GAS7: variants seen among roughly 807,000 people sequenced by gnomAD.
GAS7 encodes the protein growth arrest-specific protein 7.
GAS7 carries 28 observed loss-of-function variants against 71.1 expected under a neutral mutation model. The ratio of observed to expected loss-of-function variants is 0.39; its 90% CI spans 0.29 to 0.54. The LOEUF (loss-of-function observed/expected upper bound fraction) is 0.54, where lower values mean the gene tolerates loss of function less well. Ranked by LOEUF, GAS7 falls within the 20% of genes least tolerant of loss-of-function variation. The probability of loss-of-function intolerance (pLI) is 0.62; values close to 1 mark genes in which losing one functional copy is unlikely to be tolerated. For synonymous variants in GAS7, 258 were observed against 245.8 expected (o/e 1.05, Z -0.46); for missense variants, 436 against 627.8 (o/e 0.69, Z 3.27).
At chr17:10,136,602 T>G (rs1305376534) in intron 1 of GAS7, among the ~76,000 whole-genome samples, 1 of 152,194 alleles carries the variant, frequency 6.6e-6, no homozygotes, top group Non-Finnish European at 1.5e-5. Flanking sequence ...ATCTCCACTG[T>G]TATCATCCCA....
chr17:9,949,298 T>C (rs1218780597), intron 5 of GAS7, among the ~76,000 whole-genome samples: 2 of 152,218 alleles, frequency 1.3e-5, no homozygotes, highest in African/African-American at 2.4e-5. Context: ...TGACGGATTA[T>C]GTGATGACTC....
At chr17:9,979,306 G>A (rs934138931) in intron 3 of GAS7, among the ~76,000 whole-genome samples, 1 of 152,130 alleles carries the variant, frequency 6.6e-6, no homozygotes, top group Non-Finnish European at 1.5e-5. Flanking sequence ...GGGGCAGAGG[G>A]GGACAGGAGT....
intron 1 of GAS7, among the ~76,000 whole-genome samples, chr17:10,063,126 G>A (rs2073237949): frequency 6.6e-6 from 1 of 152,254 alleles, no homozygotes; most frequent in Admixed American, 6.5e-5. Flanking sequence ...TGGCTCTGTG[G>A]TGGTTTCATG....
rs150938219 is a variant in GAS7 at position 10,133,304 on chromosome 17, G to A, written c.183+64904C>T. Among the ~76,000 whole-genome samples the A allele has an allele frequency of 6.3e-4, 96 of 151,864 alleles. 1 individual carries two copies. In the East Asian group the frequency reaches 0.018, roughly 29 times the overall value. ...CACCCAGCTAAACTTTGTATTTTTG[G>A]TAGAGACAGGGTTTCACCATGTTGG... On this transcript the variant is annotated intron_variant, in intron 1 of 13. Transcript: ENST00000432992.
intron 1 of GAS7, among the ~76,000 whole-genome samples, chr17:10,163,693 T>C (rs1258900843): frequency 1.3e-5 from 2 of 152,084 alleles, no homozygotes; most frequent in Admixed American, 6.6e-5. Flanking sequence ...TTGGTTCCAA[T>C]CCATCCTTGG....
chr17:10,180,027 T>C (rs2142141120), intron 1 of GAS7, among the ~76,000 whole-genome samples: 1 of 152,208 alleles, frequency 6.6e-6, no homozygotes, highest in South Asian at 2.1e-4. Flanking sequence ...ATGTGGGCCT[T>C]ATTATTCCCA....
At position 10,125,424 on chromosome 17, in the gene GAS7, G is replaced by A. The variant is rs1167250257; in HGVS notation, c.183+72784C>T. ...CCCAGCTACTCGGGAGGCTGAGGCA[G>A]GAGAATCGCTTGAACATGGGAGGCA... On this transcript the variant is annotated intron_variant, in intron 1 of 13. Transcript: ENST00000432992. 3.3e-5 allele frequency among the ~76,000 whole-genome samples: 5 copies of A among 151,348 alleles called. No individual in the cohort carries two copies. In the East Asian group the frequency reaches 7.8e-4, roughly 24 times the overall value.
At chr17:10,040,902 C>G (rs1288703245) in intron 1 of GAS7, among the ~76,000 whole-genome samples, 1 of 152,152 alleles carries the variant, frequency 6.6e-6, no homozygotes, top group African/African-American at 2.4e-5. Flanking sequence ...TGGCTCACAC[C>G]TGTAATCCCA....
At chr17:10,024,078 T>C (rs2072373760) in intron 1 of GAS7, among the ~76,000 whole-genome samples, 1 of 152,112 alleles carries the variant, frequency 6.6e-6, no homozygotes. Context: ...GAGCCAAGAC[T>C]GCGCCATTGT....
intron 1 of GAS7, among the ~76,000 whole-genome samples, chr17:10,193,154 C>T (rs116907947): frequency 1.4e-4 from 21 of 150,312 alleles, no homozygotes; most frequent in Non-Finnish European, 2.7e-4. Context: ...AAAAGCTGGA[C>T]TGGTATGTCA....
At chr17:10,036,770 C>T in intron 1 of GAS7, 3 of 1,182,106 alleles carry the variant, frequency 2.5e-6, no homozygotes, top group Non-Finnish European at 2.1e-6. Context: ...TTTTTTCCCA[C>T]TCTCCCTCTT....
chr17:10,000,835 G>A (rs2071242239), intron 2 of GAS7, among the ~76,000 whole-genome samples: 1 of 152,232 alleles, frequency 6.6e-6, no homozygotes, highest in Admixed American at 6.5e-5. Flanking sequence ...TTTCTGCAGT[G>A]GCACCCATCT....
intron 1 of GAS7, among the ~76,000 whole-genome samples, chr17:10,125,836 C>T (rs908650454): frequency 6.6e-6 from 1 of 152,054 alleles, no homozygotes; most frequent in Non-Finnish European, 1.5e-5. Flanking sequence ...TTTCAGAAGC[C>T]CCTCCACCCT....
intron 1 of GAS7, among the ~76,000 whole-genome samples, chr17:10,165,217 G>A (rs1025163588): frequency 2.1e-4 from 31 of 150,898 alleles, no homozygotes; most frequent in Non-Finnish European, 3.4e-4. Flanking sequence ...ACGTGAACCC[G>A]GGAGGCAGAG....
intron 9 of GAS7, among the ~76,000 whole-genome samples, chr17:9,933,367 G>GC (rs1478300519): frequency 6.6e-6 from 1 of 152,156 alleles, no homozygotes; most frequent in Non-Finnish European, 1.5e-5. Flanking sequence ...CAAAAAGAAA[G>GC]CAGGGCTTCG....
chr17:10,125,067 T>TA (rs34878954), intron 1 of GAS7, among the ~76,000 whole-genome samples: 51,108 of 137,988 alleles, frequency 0.37, 9,608 homozygotes, highest in East Asian at 0.6. Flanking sequence ...TTAATAGCAG[T>TA]AAAAAAAAAA....
chr17:10,113,262 TA>T (rs1254768980), intron 1 of GAS7, among the ~76,000 whole-genome samples: 4 of 152,244 alleles, frequency 2.6e-5, no homozygotes, highest in African/African-American at 9.6e-5. Context: ...ACAGTCTTGT[TA>T]GAGGCAATCT....
At position 10,034,384 on chromosome 17, in the gene GAS7, C is replaced by T. The variant is rs1039167758; in HGVS notation, c.184-14487G>A. On this transcript the variant is annotated intron_variant, in intron 1 of 13. Transcript: ENST00000432992. This position sits in a 1 kb window ranked among gnomAD's most constrained non-coding sequence, Gnocchi z 4.4. ...AGTGCAGTGGCGTGATCTCGGCTCA[C>T]TGCAACCTAAGCCTTCCAGGTTCAA... 1 of 216,848 alleles carries T rather than the reference C, an allele frequency of 4.6e-6. No homozygotes were observed. Among genetic ancestry groups the T allele is most frequent in the African/African-American group, 2.4e-5 (1 of 42,276 alleles). 13.4% of individuals were successfully genotyped at this position (216,848 alleles called of 1,614,324 possible).
chr17:9,957,041 G>A (rs2069270908), intron 5 of GAS7, among the ~76,000 whole-genome samples: 3 of 152,172 alleles, frequency 2.0e-5, no homozygotes, highest in Admixed American at 2.0e-4. Context: ...CAGCAGCCAG[G>A]AGACCTGGGT....
Sources: allele counts gnomAD v4.1 joint callset (sites outside exome capture counted in the v4.1 genomes callset), GRCh38; gene constraint gnomAD v4.1.1; non-coding constraint Gnocchi (gnomAD v3.1); transcripts MANE v1.5; gene names NCBI Gene and HGNC (gene_info 2026-07-23, HGNC 2026-07-21).